The following TNRC6B variants were observed in gnomAD, a reference collection of about 807,000 sequenced individuals.
The protein encoded by TNRC6B is trinucleotide repeat containing adaptor 6B, also known as trinucleotide repeat-containing gene 6B protein.
A neutral mutation model predicts 203.6 loss-of-function variants in TNRC6B; 52 were observed. The observed-to-expected ratio is 0.26, with a 90% CI of 0.20 to 0.32. The LOEUF is 0.32. TNRC6B is among the 10% of genes least tolerant of loss of function. TNRC6B has a pLI of 1.00. For missense variants in TNRC6B, 1,923 were observed against 2,286.2 expected (o/e 0.84, Z 3.24); for synonymous variants, 838 against 845.7 (o/e 0.99, Z 0.16).
intron 3 of TNRC6B, among the ~76,000 whole-genome samples, chr22:40,134,807 A>G (rs1442532577): frequency 6.6e-6 from 1 of 152,252 alleles, no homozygotes; most frequent in African/African-American, 2.4e-5. Flanking sequence ...ATCCGGATAA[A>G]TGGACTATCT....
chr22:40,098,071 G>T (rs1157231276), intron 1 of TNRC6B, among the ~76,000 whole-genome samples: 1 of 152,000 alleles, frequency 6.6e-6, no homozygotes, highest in East Asian at 1.9e-4. Context: ...GTGTGTAAGT[G>T]TATGTAAAAT....
At chr22:40,282,360 A>T (rs898993997) in intron 11 of TNRC6B, among the ~76,000 whole-genome samples, 1 of 152,200 alleles carries the variant, frequency 6.6e-6, no homozygotes. Context: ...TTATTTCTGG[A>T]TTGGGAGTTA....
intron 3 of TNRC6B, among the ~76,000 whole-genome samples, chr22:40,133,237 A>C (rs1404210460): frequency 1.3e-5 from 2 of 151,790 alleles, no homozygotes; most frequent in East Asian, 3.9e-4. Flanking sequence ...TTTCAGCTCT[A>C]TTGTGGATTT....
intron 1 of TNRC6B, among the ~76,000 whole-genome samples, chr22:40,204,626 T>G (rs1009072672): frequency 6.6e-6 from 1 of 152,214 alleles, no homozygotes; most frequent in Non-Finnish European, 1.5e-5. Context: ...GGATGTTATC[T>G]CTAAATGATA....
chr22:40,050,239 T>C lies in TNRC6B; in HGVS notation c.-121+5241T>C, dbSNP rs930615304. Among the ~76,000 whole-genome samples, 3 of 152,312 alleles carry C rather than the reference T, an allele frequency of 2.0e-5. No homozygotes were observed. The East Asian group carries it at 5.8e-4, about 29-fold the overall frequency. On this transcript the variant is annotated intron_variant, in intron 1 of 23. Coordinates refer to the TNRC6B transcript ENST00000301923. ...AGCACTTAGAACCCCTTTAGGATTG[T>C]AGCATTTCCTTGTGGTCAAAACCCT...
chr22:40,224,582 G>A (rs1343703947), intron 1 of TNRC6B, among the ~76,000 whole-genome samples: 2 of 152,194 alleles, frequency 1.3e-5, no homozygotes, highest in African/African-American at 4.8e-5. Flanking sequence ...GTAGTCAGAT[G>A]TAGCTGTCAT....
rs549517926 is a variant in TNRC6B, at chr22:40,152,484, G to A, written c.46-3631G>A. Reference sequence around the variant, plus strand: ...TTGGACTACAGGTGCCCACCACCACGCCCGGCTAATTTTTTTTGTATTTTT... The same window carrying A: ...TTGGACTACAGGTGCCCACCACCACACCCGGCTAATTTTTTTTGTATTTTT... On this transcript the variant is annotated intron_variant, in intron 3 of 23. Transcript: ENST00000301923. 3.1e-3 allele frequency among the ~76,000 whole-genome samples: 470 copies of A among 152,202 alleles called. 1 individual carries two copies. Among genetic ancestry groups the A allele is most frequent in the Non-Finnish European group, 4.3e-3 (291 of 68,000 alleles).
At chr22:40,286,101 A>G (rs1457684865) in intron 12 of TNRC6B, among the ~76,000 whole-genome samples, 1 of 152,200 alleles carries the variant, frequency 6.6e-6, no homozygotes, top group Non-Finnish European at 1.5e-5. Context: ...GAAACTGCAT[A>G]TAATTAAAAC....
chr22:40,111,812 A>G (rs2068337675), intron 1 of TNRC6B, among the ~76,000 whole-genome samples: 1 of 152,226 alleles, frequency 6.6e-6, no homozygotes, highest in African/African-American at 2.4e-5. Flanking sequence ...ATGAGAAAGC[A>G]TAAGACCAGG....
intron 15 of TNRC6B, 45 bp from the exon 16 acceptor site, chr22:40,308,467 A>T: frequency 6.2e-7 from 1 of 1,612,132 alleles, no homozygotes; most frequent in South Asian, 1.1e-5. Flanking sequence ...AGAACTCTTG[A>T]TACTGATGCT....
rs554714414 is a variant in TNRC6B, at chr22:40,153,204, T to A, written c.46-2911T>A. Among the ~76,000 whole-genome samples, 585 of 152,324 alleles carry A rather than the reference T, an allele frequency of 3.8e-3. 2 individuals are homozygous for A. The highest frequency in any genetic ancestry group is 7.0e-3 in the Non-Finnish European group (475 of 68,034). ...AGGTCTCAAAAAAATTCACCTTCTA[T>A]ATACCTTTTATCAGGAAATCACTGG... On this transcript the variant is annotated intron_variant, in intron 3 of 23. Transcript: ENST00000301923.
Position 40,331,583 on chromosome 22 carries a change from C to T in TNRC6B, c.*8342C>T, listed in dbSNP as rs527593477. ...CTTTGCTCTCATTCCTCTCTCATGG[C>T]CTTGAAATGTATTATTATGCAAATG... On this transcript the variant is annotated 3_prime_UTR_variant, in exon 23 of 23. Coordinates refer to ENST00000454349, the MANE Select transcript of TNRC6B (RefSeq NM_001162501.2). The T allele has an allele frequency of 8.1e-6, 3 of 371,126 alleles. No individual in the cohort carries two copies. Among genetic ancestry groups the T allele is most frequent in the East Asian group, 7.6e-5 (2 of 26,276 alleles). The allele number at this position is 371,126 out of a possible 1,614,324, so 23.0% of individuals were successfully genotyped here.
chr22:40,324,514 CTT>C lies in TNRC6B; in HGVS notation c.*1277_*1278del, dbSNP rs1336393625. 3 of 152,636 alleles carry C rather than the reference CTT, an allele frequency of 2.0e-5. No individual in the cohort carries two copies. Among genetic ancestry groups the C allele is most frequent in the Non-Finnish European group, 4.4e-5 (3 of 68,036 alleles). The allele number at this position is 152,636 out of a possible 1,614,324, so 9.5% of individuals were successfully genotyped here. On this transcript the variant is annotated 3_prime_UTR_variant, in exon 23 of 23. Transcript: ENST00000454349. ...TTACATATTTCTGTTGGTTGGTTCT[CTT>C]TTTCATTTTATGAAAACAGAAAAGA...
chr22:40,221,698 C>T (rs2069710178), intron 1 of TNRC6B, among the ~76,000 whole-genome samples: 1 of 150,964 alleles, frequency 6.6e-6, no homozygotes. Flanking sequence ...CTTGGCCTCT[C>T]AAAGTGCGGG....
In TNRC6B at chr22:40,156,755, G is replaced by GT. The variant is rs542249864; in HGVS notation, c.113+591dup. Among the ~76,000 whole-genome samples the GT allele has an allele frequency of 8.6e-3, 1,156 of 134,982 alleles. 10 individuals carry two copies. Among genetic ancestry groups the GT allele is most frequent in the South Asian group, 0.012 (53 of 4,290 alleles). 88.6% of individuals were successfully genotyped at this position (134,982 alleles called of 152,430 possible). On this transcript the variant is annotated intron_variant, in intron 4 of 23. Coordinates refer to the TNRC6B transcript ENST00000301923. ...TTAAGGGGTAATTGGTTTGTTGTTGGTTTTTTTTTTTTTTTTTTCTTGAGA... is the reference window on the plus strand; with the variant it reads ...TTAAGGGGTAATTGGTTTGTTGTTGGTTTTTTTTTTTTTTTTTTTCTTGAGA...
chr22:40,121,009 G>C (rs1035929968), intron 2 of TNRC6B, among the ~76,000 whole-genome samples: 5 of 152,164 alleles, frequency 3.3e-5, no homozygotes, highest in Non-Finnish European at 7.4e-5. Flanking sequence ...ACACTCATCA[G>C]AGAAGTGACT....
intron 1 of TNRC6B, among the ~76,000 whole-genome samples, chr22:40,071,170 A>G (rs913613072): frequency 2.0e-5 from 3 of 151,884 alleles, no homozygotes; most frequent in Non-Finnish European, 1.5e-5. Flanking sequence ...TTCTTTCTCT[A>G]TAGGCCAGTT....
At chr22:40,247,866 T>C (rs2070130134) in intron 2 of TNRC6B, among the ~76,000 whole-genome samples, 2 of 151,970 alleles carry the variant, frequency 1.3e-5, no homozygotes, top group African/African-American at 4.8e-5. Context: ...AGTCCAGGAG[T>C]TCGAGACCAG....
At chr22:40,088,712 C>T (rs574443750) in intron 1 of TNRC6B, among the ~76,000 whole-genome samples, 1 of 151,562 alleles carries the variant, frequency 6.6e-6, no homozygotes, top group Admixed American at 6.6e-5. Context: ...ACCTTGGCCT[C>T]CTGAAGTGCT....
Sources: gnomAD v4.1 joint callset for allele counts (sites outside exome capture counted in the v4.1 genomes callset) on GRCh38, gnomAD v4.1.1 for gene constraint, MANE v1.5 for transcripts, NCBI Gene and HGNC (gene_info 2026-07-23, HGNC 2026-07-21) for gene names.